The following MSTO1 variants were observed in gnomAD, a reference collection of about 807,000 sequenced individuals.
MSTO1 encodes misato mitochondrial distribution and morphology regulator 1, also known as protein misato homolog 1.
In MSTO1, 24 loss-of-function variants were observed where a neutral mutation model predicts 55.7. That is an observed-to-expected ratio of 0.43 (90% confidence interval 0.31 to 0.61). The LOEUF is 0.61. Ranked by LOEUF, MSTO1 falls within the 20% of genes least tolerant of loss-of-function variation. The pLI is 0.09. For missense variants in MSTO1, 363 were observed against 625.7 expected (o/e 0.58, Z 4.48); for synonymous variants, 162 against 252.8 (o/e 0.64, Z 3.41).
chr1:155,614,105 C>T lies in MSTO1; in HGVS notation c.1545C>T (p.Ser515=). Residue 515 remains serine (S), a synonymous_variant, in exon 14 of 14, where the codon TCC becomes TCT. Transcript: ENST00000245564. ...PVFGALCSSS[S]LHQTLEALAR... is the part of the protein sequence containing the mutation. ...TTGGGGCACTGTGTTCCTCTTCGTCCCTGCACCAGACCCTGGAAGCCTTGG... is the reference window on the plus strand; with the variant it reads ...TTGGGGCACTGTGTTCCTCTTCGTCTCTGCACCAGACCCTGGAAGCCTTGG... The T allele has an allele frequency of 6.7e-7, 1 of 1,500,980 alleles. No individual in the cohort carries two copies. Among genetic ancestry groups the T allele is most frequent in the Admixed American group, 2.2e-5 (1 of 44,822 alleles). The allele number at this position is 1,500,980 out of a possible 1,614,324, so 93.0% of individuals were successfully genotyped here. A position where few individuals can be genotyped will look rare whatever the true frequency, so the allele number is the denominator to read the frequency against.
At chr1:155,588,291 A>G in the MSTO1 span, among the ~76,000 whole-genome samples, 5 of 151,874 alleles carry the variant, frequency 3.3e-5, no homozygotes, top group Non-Finnish European at 7.4e-5. Context: ...GAAAAAGACC[A>G]TTCTGCTGGT....
the MSTO1 span, among the ~76,000 whole-genome samples, chr1:155,579,134 C>G: frequency 6.6e-6 from 1 of 151,232 alleles, no homozygotes; most frequent in African/African-American, 2.4e-5. Flanking sequence ...ATGGAGAAAC[C>G]CCGTCTCTAC....
chr1:155,579,354 A>C, the MSTO1 span, among the ~76,000 whole-genome samples: 1 of 150,998 alleles, frequency 6.6e-6, no homozygotes, highest in Non-Finnish European at 1.5e-5. Flanking sequence ...AACAAACAAA[A>C]AACCCAAGAG....
the MSTO1 span, among the ~76,000 whole-genome samples, chr1:155,601,173 G>T: frequency 6.7e-6 from 1 of 150,256 alleles, no homozygotes; most frequent in East Asian, 2.0e-4. Flanking sequence ...TCACTCTGTT[G>T]CCCAGGCTGC....
At chr1:155,594,787 A>G in the MSTO1 span, among the ~76,000 whole-genome samples, 2 of 152,052 alleles carry the variant, frequency 1.3e-5, no homozygotes, top group Non-Finnish European at 2.9e-5. Context: ...TAAACCTATT[A>G]TTTGGTAAGC....
Position 155,612,236 on chromosome 1 carries a change from G to T in MSTO1, c.733G>T (p.Ala245Ser), listed in dbSNP as rs1410009770. 6.3e-7 allele frequency: 1 copy of T among 1,599,330 alleles called. No homozygotes were observed. Among genetic ancestry groups the T allele is most frequent in the African/African-American group, 1.3e-5 (1 of 74,392 alleles). ...TGGCTTCTCTGGGGTAGGCGCGAAGGCGGCAGAGCTGCTACAAGATGAATA... is the reference window on the plus strand; with the variant it reads ...TGGCTTCTCTGGGGTAGGCGCGAAGTCGGCAGAGCTGCTACAAGATGAATA... ...HDGFSGVGAK[A>S]AELLQDEYSG... Residue 245 changes from alanine (A) to serine (S), a missense_variant, in exon 8 of 14, where the codon GCG (alanine) becomes TCG (serine). Coordinates refer to ENST00000245564, the MANE Select transcript of MSTO1 (RefSeq NM_018116.4).
chr1:155,580,907 CAAA>C, the MSTO1 span, among the ~76,000 whole-genome samples: 364 of 91,646 alleles, frequency 4.0e-3, 1 homozygote, highest in African/African-American at 7.3e-3. Flanking sequence ...GACTCTGTCT[CAAA>C]AAAAAAAAAA....
the MSTO1 span, among the ~76,000 whole-genome samples, chr1:155,571,273 AT>A: frequency 3.3e-5 from 5 of 152,132 alleles, no homozygotes; most frequent in African/African-American, 4.8e-5. Flanking sequence ...CCCAACACAA[AT>A]TGATAAACTT....
chr1:155,600,128 C>T, the MSTO1 span, among the ~76,000 whole-genome samples: 6 of 152,210 alleles, frequency 3.9e-5, 1 homozygote, highest in Non-Finnish European at 7.3e-5. Flanking sequence ...TCCCTTCCCA[C>T]GAGGCCATAT....
chr1:155,587,979 G>A, the MSTO1 span, among the ~76,000 whole-genome samples: 1 of 151,940 alleles, frequency 6.6e-6, no homozygotes. Context: ...GCCGAGGTGG[G>A]TGGATCACTT....
At chr1:155,603,021 G>T in the MSTO1 span, among the ~76,000 whole-genome samples, 1 of 152,036 alleles carries the variant, frequency 6.6e-6, no homozygotes, top group Non-Finnish European at 1.5e-5. Flanking sequence ...ATTTTCATCA[G>T]AATCCCTTAT....
chr1:155,609,217 G>GTATA (rs777579171), upstream of MSTO1, among the ~76,000 whole-genome samples: 186 of 84,490 alleles, frequency 2.2e-3, 1 homozygote, highest in Middle Eastern at 8.5e-3. Flanking sequence ...ATTATCAGCA[G>GTATA]TATATATATA....
At chr1:155,594,508 T>C in the MSTO1 span, among the ~76,000 whole-genome samples, 1 of 152,206 alleles carries the variant, frequency 6.6e-6, no homozygotes, top group Non-Finnish European at 1.5e-5. Flanking sequence ...CATGGTCCTA[T>C]GGCTATAAAT....
chr1:155,606,520 G>A (rs764285601), upstream of MSTO1, among the ~76,000 whole-genome samples: 1 of 151,442 alleles, frequency 6.6e-6, no homozygotes, highest in Non-Finnish European at 1.5e-5. Flanking sequence ...CCAGCCTCCC[G>A]AGGAGCTGGG....
At chr1:155,598,810 ACATATATTTTAG>A in the MSTO1 span, 4 of 1,234,404 alleles carry the variant, frequency 3.2e-6, no homozygotes, top group South Asian at 4.8e-5. Flanking sequence ...TTCTTTAACA[ACATATATTTTAG>A]ATGGAGAGAA....
At chr1:155,607,688 C>G (rs1003873429), upstream of MSTO1, among the ~76,000 whole-genome samples, 2 of 152,204 alleles carry the variant, frequency 1.3e-5, no homozygotes, top group African/African-American at 4.8e-5. Flanking sequence ...AGAAACTTTT[C>G]AGCCCACATC....
upstream of MSTO1, among the ~76,000 whole-genome samples, chr1:155,606,629 G>C (rs1046841084): frequency 2.6e-5 from 4 of 151,846 alleles, no homozygotes; most frequent in African/African-American, 9.7e-5. Context: ...CCTGACCTCA[G>C]GTGATCGCCT....
the MSTO1 span, among the ~76,000 whole-genome samples, chr1:155,597,822 CTT>C: frequency 2.9e-5 from 4 of 138,618 alleles, no homozygotes; most frequent in Non-Finnish European, 3.1e-5. Flanking sequence ...TACTTTTTGT[CTT>C]TTTTTTTTTT....
At chr1:155,579,277 C>A in the MSTO1 span, among the ~76,000 whole-genome samples, 1 of 151,946 alleles carries the variant, frequency 6.6e-6, no homozygotes, top group Admixed American at 6.6e-5. Context: ...CAAGCCATTG[C>A]ACTCTGGCCT....
Sources: allele counts gnomAD v4.1 joint callset (sites outside exome capture counted in the v4.1 genomes callset), GRCh38; gene constraint gnomAD v4.1.1; transcripts MANE v1.5; gene names NCBI Gene and HGNC (gene_info 2026-07-23, HGNC 2026-07-21).